The following PXDC1 variants were observed in gnomAD, a reference collection of about 807,000 sequenced individuals.
PXDC1 encodes PX domain containing 1.
In PXDC1, 13 loss-of-function variants were observed where a neutral mutation model predicts 24.4. The ratio of observed to expected loss-of-function variants is 0.53; its 90% CI spans 0.35 to 0.85. The LOEUF (loss-of-function observed/expected upper bound fraction) is 0.85, where lower values mean the gene tolerates loss of function less well. PXDC1 is among the 40% of genes least tolerant of loss of function. The probability of loss-of-function intolerance (pLI) is 0.01; values close to 1 mark genes in which losing one functional copy is unlikely to be tolerated. For synonymous variants in PXDC1, 162 were observed against 124.9 expected (o/e 1.30, Z -1.98); for missense variants, 344 against 309.3 (o/e 1.11, Z -0.84).
intron 1 of PXDC1, among the ~76,000 whole-genome samples, chr6:3,740,297 G>T (rs1760424219): frequency 6.6e-6 from 1 of 152,188 alleles, no homozygotes. Flanking sequence ...GTCACATTAG[G>T]GAGATAAATA....
intron 1 of PXDC1, among the ~76,000 whole-genome samples, chr6:3,746,019 G>T (rs774848549): frequency 6.6e-6 from 1 of 152,226 alleles, no homozygotes; most frequent in Non-Finnish European, 1.5e-5. Flanking sequence ...CACATATGGT[G>T]TGCGTTCAGC....
At chr6:3,727,507 G>A in intron 4 of PXDC1, 44 bp downstream of exon 4, 1 of 1,407,688 alleles carries the variant, frequency 7.1e-7, no homozygotes, top group Non-Finnish European at 1.0e-6. Flanking sequence ...AAGGCAAATG[G>A]CTCAGGACAG....
intron 4 of PXDC1, 151 bp from the exon 5 acceptor site, chr6:3,723,887 C>A (rs226963): frequency 0.052 from 33,482 of 646,120 alleles, 2,606 homozygotes; most frequent in Admixed American, 0.25. Context: ...GGCTCCTGCT[C>A]TGAGACTGCC....
intron 3 of PXDC1, among the ~76,000 whole-genome samples, chr6:3,736,075 G>A (rs1351805694): frequency 6.6e-6 from 1 of 152,080 alleles, no homozygotes; most frequent in Admixed American, 6.5e-5. Flanking sequence ...AATCCCACTT[G>A]TGCTGTGGCC....
chr6:3,751,569 G>GCCGC lies in PXDC1; in HGVS notation c.-42_-39dup, dbSNP rs753475003. The GCCGC allele has an allele frequency of 5.3e-4, 779 of 1,473,700 alleles. 1 individual carries two copies. Among genetic ancestry groups the GCCGC allele is most frequent in the Non-Finnish European group, 6.4e-4 (712 of 1,115,996 alleles). The allele number at this position is 1,473,700 out of a possible 1,614,324, so 91.3% of individuals were successfully genotyped here. ...CCCCCGCCAAGGGCTCCCCAGCCCCGCCGCCCGCCCGCCCGCAGGAGGCGC... is the reference window on the plus strand; with the variant it reads ...CCCCCGCCAAGGGCTCCCCAGCCCCGCCGCCCGCCCGCCCGCCCGCAGGAGGCGC... On this transcript the variant is annotated 5_prime_UTR_variant, in exon 1 of 5. Coordinates refer to ENST00000380283, the MANE Select transcript of PXDC1 (RefSeq NM_183373.4).
At position 3,734,048 on chromosome 6, in the gene PXDC1, C is replaced by T. The variant is rs923530138; in HGVS notation, c.466+3031G>A. Among the ~76,000 whole-genome samples the T allele has an allele frequency of 4.6e-5, 7 of 152,364 alleles. No individual in the cohort carries two copies. The South Asian group carries it at 1.4e-3, about 32-fold the overall frequency. On this transcript the variant is annotated intron_variant, in intron 3 of 4. Transcript: ENST00000380283. The stretch of plus-strand genomic sequence containing the variant: ...AGACCTGGACACTGCACCCCCATCA[C>T]ACACGGAAGGCCACAGACAGCCGTG...
Position 3,737,782 on chromosome 6 carries a change from C to A in PXDC1, c.348+275G>T, listed in dbSNP as rs1408798167. ...TCCTGCAGCCAGAGGGGATCCGCAC[C>A]CTTCCACCCATGCCTCCTTGCATCC... On this transcript the variant is annotated intron_variant, in intron 2 of 4. Coordinates refer to ENST00000380283, the MANE Select transcript of PXDC1 (RefSeq NM_183373.4). This position sits in a 1 kb window ranked among gnomAD's most constrained non-coding sequence, Gnocchi z 5.5. 1 of 632,132 alleles carries A rather than the reference C, an allele frequency of 1.6e-6. No individual in the cohort carries two copies. The highest frequency in any genetic ancestry group is 2.0e-5 in the African/African-American group (1 of 50,326). 39.2% of individuals were successfully genotyped at this position (632,132 alleles called of 1,614,324 possible).
At chr6:3,723,955 T>G (rs1331707108) in intron 4 of PXDC1, among the ~76,000 whole-genome samples, 1 of 152,216 alleles carries the variant, frequency 6.6e-6, no homozygotes, top group Non-Finnish European at 1.5e-5. Flanking sequence ...TAGACAACCC[T>G]TAGCGAGGCC....
At chr6:3,734,455 C>T (rs955136406) in intron 3 of PXDC1, among the ~76,000 whole-genome samples, 16 of 152,318 alleles carry the variant, frequency 1.1e-4, no homozygotes, top group African/African-American at 3.6e-4. Flanking sequence ...CCCACTCAGA[C>T]TAAAGAACCA....
chr6:3,749,488 C>T (rs1395537294), intron 1 of PXDC1, among the ~76,000 whole-genome samples: 1 of 145,968 alleles, frequency 6.9e-6, no homozygotes, highest in Non-Finnish European at 1.5e-5. Flanking sequence ...GACCGCGTAA[C>T]AGACCCAGCA....
chr6:3,743,969 G>A (rs62392402), intron 1 of PXDC1, among the ~76,000 whole-genome samples: 1,639 of 152,346 alleles, frequency 0.011, 15 homozygotes, highest in Non-Finnish European at 0.017. Context: ...CAAGCTGGGG[G>A]CTGAGGGAAG....
chr6:3,738,405 G>C (rs1449247286), intron 1 of PXDC1, among the ~76,000 whole-genome samples: 1 of 152,156 alleles, frequency 6.6e-6, no homozygotes, highest in Non-Finnish European at 1.5e-5. Context: ...GGGATGGGAG[G>C]TGTAAGATCC....
At position 3,737,955 on chromosome 6, in the gene PXDC1, G is replaced by A; in HGVS notation, c.348+102C>T. ...GGGAACAAAACGGCTAAGTGAGACA[G>A]AGCAAGCAAGTCAACCCTCCGGGGG... On this transcript the variant is annotated intron_variant, in intron 2 of 4. Transcript: ENST00000380283. This position sits in a 1 kb window ranked among gnomAD's most constrained non-coding sequence, Gnocchi z 5.5. 1.0e-6 allele frequency: 1 copy of A among 980,866 alleles called. No homozygotes were observed. Among genetic ancestry groups the A allele is most frequent in the Non-Finnish European group, 1.6e-6 (1 of 630,712 alleles). 60.8% of individuals were successfully genotyped at this position (980,866 alleles called of 1,614,324 possible). A position where few individuals can be genotyped will look rare whatever the true frequency, so the allele number is the denominator to read the frequency against.
At position 3,738,886 on chromosome 6, in the gene PXDC1, G is replaced by A. The variant is rs865777222; in HGVS notation, c.257-738C>T. 2.2e-5 allele frequency: 29 copies of A among 1,302,714 alleles called. No individual in the cohort carries two copies. The Middle Eastern group carries it at 1.1e-3, about 50-fold the overall frequency. The allele number at this position is 1,302,714 out of a possible 1,614,324, so 80.7% of individuals were successfully genotyped here. A position where few individuals can be genotyped will look rare whatever the true frequency, so the allele number is the denominator to read the frequency against. On this transcript the variant is annotated intron_variant, in intron 1 of 4. Coordinates refer to ENST00000380283, the MANE Select transcript of PXDC1 (RefSeq NM_183373.4). ...CTTCCCATCACAGGTTCTATCCGTCGGCTTTGCAGGGATGGGGAAGTAGGT... is the reference window on the plus strand; with the variant it reads ...CTTCCCATCACAGGTTCTATCCGTCAGCTTTGCAGGGATGGGGAAGTAGGT...
chr6:3,725,817 C>G lies in PXDC1; in HGVS notation c.578+1734G>C, dbSNP rs1274514371. Among the ~76,000 whole-genome samples, 1 of 152,238 alleles carries G rather than the reference C, an allele frequency of 6.6e-6. No individual in the cohort carries two copies. Among genetic ancestry groups the G allele is most frequent in the Non-Finnish European group, 1.5e-5 (1 of 68,032 alleles). On this transcript the variant is annotated intron_variant, in intron 4 of 4. Transcript: ENST00000380283. This position sits in a 1 kb window ranked among gnomAD's most constrained non-coding sequence, Gnocchi z 4.8. ...AGGAGCCAGAGAAAGGCCCGGCAAG[C>G]CCAAGTCGGAACTCCCTCCAGATGC... is the stretch of plus-strand genomic sequence containing the variant.
intron 3 of PXDC1, among the ~76,000 whole-genome samples, chr6:3,736,840 G>A (rs982523678): frequency 6.6e-6 from 1 of 152,214 alleles, no homozygotes; most frequent in Non-Finnish European, 1.5e-5. Flanking sequence ...CATTTCTTAA[G>A]TGAGTTCCAA....
At chr6:3,746,896 T>C (rs1283586055) in intron 1 of PXDC1, among the ~76,000 whole-genome samples, 1 of 152,060 alleles carries the variant, frequency 6.6e-6, no homozygotes, top group Admixed American at 6.5e-5. Flanking sequence ...GGGAGTCTGG[T>C]AGTCACATCT....
chr6:3,744,232 G>C (rs1561739084), intron 1 of PXDC1, among the ~76,000 whole-genome samples: 1 of 152,168 alleles, frequency 6.6e-6, no homozygotes, highest in Admixed American at 6.5e-5. Context: ...TTCCCAGGGG[G>C]AGCAGCCCAC....
In PXDC1 at chr6:3,751,451, G is replaced by C. The variant is rs777263240; in HGVS notation, c.81C>G (p.Leu27=). 1.9e-6 allele frequency: 3 copies of C among 1,600,806 alleles called. No homozygotes were observed. The South Asian group carries it at 3.4e-5, about 18-fold the overall frequency. ...CTTCGTCGCCGCGCCGGCTGACGATGAGCCTGCGGATGCCGTTCACCCAGC... is the reference window on the plus strand; with the variant it reads ...CTTCGTCGCCGCGCCGGCTGACGATCAGCCTGCGGATGCCGTTCACCCAGC... ...RGCWVNGIRR[L]IVSRRGDEEE... is the part of the protein sequence containing the mutation. Residue 27 remains leucine, a synonymous_variant, in exon 1 of 5, where the codon CTC becomes CTG. Coordinates refer to ENST00000380283, the MANE Select transcript of PXDC1 (RefSeq NM_183373.4).
Sources: allele counts gnomAD v4.1 joint callset (sites outside exome capture counted in the v4.1 genomes callset), GRCh38; gene constraint gnomAD v4.1.1; non-coding constraint Gnocchi (gnomAD v3.1); transcripts MANE v1.5; gene names NCBI Gene and HGNC (gene_info 2026-07-23, HGNC 2026-07-21).